STK32B: variants seen among roughly 807,000 people sequenced by gnomAD.
The protein encoded by STK32B is serine/threonine-protein kinase 32B.
A neutral mutation model predicts 52.6 loss-of-function variants in STK32B; 43 were observed. The ratio of observed to expected loss-of-function variants is 0.82; its 90% CI spans 0.64 to 1.05. The LOEUF is 1.05. STK32B is among the 50% of genes least tolerant of loss of function. STK32B has a pLI of 0.00. For synonymous variants in STK32B, 238 were observed against 204.3 expected, an observed-to-expected ratio of 1.17 and a Z score of -1.41; for missense variants, 621 against 534.6, an observed-to-expected ratio of 1.16 and a Z score of -1.59.
At chr4:5,155,465 A>G (rs1280765250) in intron 2 of STK32B, among the ~76,000 whole-genome samples, 2 of 152,176 alleles carry the variant, frequency 1.3e-5, no homozygotes, top group East Asian at 3.9e-4. Flanking sequence ...ATATATGTAC[A>G]TATACCTACC....
intron 2 of STK32B, among the ~76,000 whole-genome samples, chr4:5,140,797 T>G (rs1577098268): frequency 6.6e-6 from 1 of 152,206 alleles, no homozygotes; most frequent in Admixed American, 6.5e-5. Flanking sequence ...ATCCAATCCA[T>G]GCATACTAAT....
chr4:5,230,084 C>T (rs1445238051), intron 3 of STK32B, among the ~76,000 whole-genome samples: 2 of 151,760 alleles, frequency 1.3e-5, no homozygotes, highest in African/African-American at 4.8e-5. Context: ...TGTCCACCAC[C>T]TCCCAGGCTC....
chr4:5,353,274 A>G (rs151190765), intron 4 of STK32B, among the ~76,000 whole-genome samples: 341 of 152,298 alleles, frequency 2.2e-3, no homozygotes, highest in African/African-American at 3.1e-3. Flanking sequence ...AAAGACTTAT[A>G]TGTAAGACAA....
intron 11 of STK32B, among the ~76,000 whole-genome samples, chr4:5,486,114 T>G (rs921464285): frequency 6.6e-6 from 1 of 152,186 alleles, no homozygotes; most frequent in Non-Finnish European, 1.5e-5. Context: ...TCGGGGAAGC[T>G]GTCAGACAGG....
intron 4 of STK32B, among the ~76,000 whole-genome samples, chr4:5,357,820 A>G (rs753999353): frequency 6.6e-6 from 1 of 150,442 alleles, no homozygotes; most frequent in South Asian, 2.1e-4. Context: ...TGTATCCCAG[A>G]TAGCTCCCCA....
At chr4:5,125,210 T>C (rs868148645) in intron 1 of STK32B, among the ~76,000 whole-genome samples, 35 of 120,868 alleles carry the variant, frequency 2.9e-4, no homozygotes, top group Middle Eastern at 8.8e-3. Flanking sequence ...AACACCTTGA[T>C]GTTGGTCTTC....
chr4:5,232,961 C>G (rs1302558333), intron 3 of STK32B, among the ~76,000 whole-genome samples: 1 of 152,208 alleles, frequency 6.6e-6, no homozygotes, highest in Non-Finnish European at 1.5e-5. Context: ...CTCCACACAG[C>G]TCCCTTTGTC....
intron 3 of STK32B, among the ~76,000 whole-genome samples, chr4:5,236,437 C>A (rs1724642827): frequency 6.6e-6 from 1 of 152,140 alleles, no homozygotes; most frequent in African/African-American, 2.4e-5. Flanking sequence ...CACACTCATG[C>A]CCAAACGGGA....
intron 3 of STK32B, among the ~76,000 whole-genome samples, chr4:5,187,316 A>G (rs1161085318): frequency 6.6e-6 from 1 of 152,086 alleles, no homozygotes; most frequent in African/African-American, 2.4e-5. Context: ...GTCCATGGGG[A>G]ATTAGTAAAT....
intron 3 of STK32B, among the ~76,000 whole-genome samples, chr4:5,302,998 T>C (rs28546118): frequency 1.3e-5 from 2 of 149,060 alleles, no homozygotes; most frequent in South Asian, 2.1e-4. Context: ...GTGTGTGTGT[T>C]TGTGTGTGTA....
chr4:5,364,915 G>C (rs377123800), intron 4 of STK32B, among the ~76,000 whole-genome samples: 1 of 152,162 alleles, frequency 6.6e-6, no homozygotes, highest in African/African-American at 2.4e-5. Context: ...TGCTCTTGTT[G>C]CCCAGGCTGG....
In STK32B at chr4:5,470,659, T is replaced by C. The variant is rs199710335; in HGVS notation, c.1106+2589T>C. 7.2e-5 allele frequency among the ~76,000 whole-genome samples: 11 copies of C among 152,072 alleles called. No individual in the cohort carries two copies. Among genetic ancestry groups the C allele is most frequent in the African/African-American group, 2.7e-4 (11 of 41,408 alleles). On this transcript the variant is annotated intron_variant, in intron 11 of 11. Transcript: ENST00000282908. The surrounding 1 kb of genome is among the most constrained non-coding windows in gnomAD (Gnocchi z 4.6). ...TCATCTTGTGGGAAGAGAGCCATGC[T>C]CCATCTACCCACAGTCCTCCCTTGC...
chr4:5,412,442 C>T lies in STK32B; in HGVS notation c.473-4403C>T, dbSNP rs78010997. The stretch of plus-strand genomic sequence containing the variant: ...GCAGAAGTGGAATCCTGCTGTCTGT[C>T]GTGCAGGGTGTTGCCCACTGTACCT... On this transcript the variant is annotated intron_variant, in intron 5 of 11. Coordinates refer to ENST00000282908, the MANE Select transcript of STK32B (RefSeq NM_018401.3). Among the ~76,000 whole-genome samples the T allele has an allele frequency of 9.6e-3, 1,456 of 152,250 alleles. 23 individuals carry two copies. The highest frequency in any genetic ancestry group is 0.033 in the African/African-American group (1,368 of 41,528).
chr4:5,173,143 A>T (rs1380334426), intron 3 of STK32B, among the ~76,000 whole-genome samples: 1 of 152,116 alleles, frequency 6.6e-6, no homozygotes, highest in Non-Finnish European at 1.5e-5. Flanking sequence ...TTTCTGTGGG[A>T]TCGGTGGTGA....
intron 1 of STK32B, among the ~76,000 whole-genome samples, chr4:5,137,721 C>A (rs1180535461): frequency 6.6e-6 from 1 of 152,152 alleles, no homozygotes. Context: ...AATGTCCTCC[C>A]AAACTGTTAG....
intron 4 of STK32B, among the ~76,000 whole-genome samples, chr4:5,341,303 G>A (rs898826722): frequency 2.0e-5 from 3 of 152,142 alleles, no homozygotes; most frequent in Non-Finnish European, 2.9e-5. Flanking sequence ...GTGACTTGTA[G>A]TAAAAGGCTC....
the STK32B span, among the ~76,000 whole-genome samples, chr4:5,042,635 C>T: frequency 6.6e-6 from 1 of 152,180 alleles, no homozygotes; most frequent in African/African-American, 2.4e-5. Context: ...CTAAGGAGAC[C>T]AAAGGGGAGC....
At chr4:5,118,849 C>G (rs1441335968) in intron 1 of STK32B, among the ~76,000 whole-genome samples, 3 of 152,180 alleles carry the variant, frequency 2.0e-5, no homozygotes, top group Admixed American at 1.3e-4. Context: ...AGGGTGACTT[C>G]ACACACATTT....
intron 1 of STK32B, among the ~76,000 whole-genome samples, chr4:5,122,123 T>G (rs1715060577): frequency 6.6e-6 from 1 of 152,048 alleles, no homozygotes; most frequent in Admixed American, 6.5e-5. Context: ...CACCCATTCA[T>G]TCACTGTTTC....
Sources: allele counts gnomAD v4.1 joint callset (sites outside exome capture counted in the v4.1 genomes callset), GRCh38; gene constraint gnomAD v4.1.1; non-coding constraint Gnocchi (gnomAD v3.1); transcripts MANE v1.5; gene names NCBI Gene and HGNC (gene_info 2026-07-23, HGNC 2026-07-21).